Variants in CADM2 observed in about 807,000 individuals in gnomAD.
CADM2 encodes the protein cell adhesion molecule 2.
In CADM2, 12 loss-of-function variants were observed where a neutral mutation model predicts 49.8. The observed-to-expected ratio is 0.24, with a 90% CI of 0.15 to 0.39. The LOEUF (loss-of-function observed/expected upper bound fraction) is 0.39, where lower values mean the gene tolerates loss of function less well. Among genes scored for constraint, CADM2 ranks in the 10% least tolerant of loss-of-function variants. CADM2 has a pLI of 1.00. For missense variants in CADM2, 378 were observed against 492.3 expected (o/e 0.77, Z 2.20); for synonymous variants, 214 against 175.4 (o/e 1.22, Z -1.74).
At chr3:85,070,571 G>T (rs2036693979) in intron 1 of CADM2, among the ~76,000 whole-genome samples, 1 of 112,066 alleles carries the variant, frequency 8.9e-6, no homozygotes, top group Non-Finnish European at 2.1e-5. Flanking sequence ...ATGGTCTTTT[G>T]TCACTATATC....
intron 2 of CADM2, among the ~76,000 whole-genome samples, chr3:85,779,449 A>G (rs192481738): frequency 1.3e-5 from 2 of 152,160 alleles, no homozygotes; most frequent in Admixed American, 1.3e-4. Context: ...ACAGTTCAGC[A>G]TGGTCGGGAG....
intron 1 of CADM2, among the ~76,000 whole-genome samples, chr3:85,450,894 T>TA (rs1315650822): frequency 6.6e-6 from 1 of 151,002 alleles, no homozygotes; most frequent in Non-Finnish European, 1.5e-5. Flanking sequence ...CCTAGGCTAC[T>TA]AAGTCAAATT....
intron 8 of CADM2, among the ~76,000 whole-genome samples, chr3:85,982,991 A>C (rs1308983896): frequency 6.6e-6 from 1 of 151,676 alleles, no homozygotes; most frequent in East Asian, 1.9e-4. Context: ...AAACTATAGC[A>C]TTTATCTCCA....
At chr3:85,648,935 A>C (rs903119062) in intron 1 of CADM2, among the ~76,000 whole-genome samples, 1 of 152,048 alleles carries the variant, frequency 6.6e-6, no homozygotes, top group Non-Finnish European at 1.5e-5. Flanking sequence ...CAGTGGATTT[A>C]ATGCCATGTA....
chr3:85,818,859 T>A (rs1409568433), intron 3 of CADM2, among the ~76,000 whole-genome samples: 1 of 144,024 alleles, frequency 6.9e-6, no homozygotes, highest in African/African-American at 3.0e-5. Context: ...AGAATGTATA[T>A]TAATCAAGGT....
intron 1 of CADM2, among the ~76,000 whole-genome samples, chr3:85,032,843 C>T (rs908644649): frequency 2.5e-4 from 38 of 152,048 alleles, no homozygotes; most frequent in South Asian, 2.1e-4. Flanking sequence ...CATCAGTGGC[C>T]TTCCTTCCTG....
At chr3:85,210,470 C>T (rs1033406195) in intron 1 of CADM2, among the ~76,000 whole-genome samples, 14 of 152,060 alleles carry the variant, frequency 9.2e-5, no homozygotes, top group South Asian at 4.2e-4. Flanking sequence ...GTATCTGTTC[C>T]GGTATCTGGT....
intron 2 of CADM2, among the ~76,000 whole-genome samples, chr3:85,738,264 A>G (rs116138052): frequency 1.2e-3 from 185 of 152,332 alleles, no homozygotes; most frequent in African/African-American, 4.3e-3. Context: ...AGCTTCCCCT[A>G]GAAATAAAGA....
intron 1 of CADM2, among the ~76,000 whole-genome samples, chr3:85,597,205 A>T (rs966674269): frequency 5.6e-5 from 8 of 143,526 alleles, no homozygotes; most frequent in Admixed American, 1.4e-4. Context: ...AGATTAAAAA[A>T]ATGCTGTATA....
intron 1 of CADM2, among the ~76,000 whole-genome samples, chr3:84,998,660 A>G (rs938734427): frequency 6.6e-6 from 1 of 152,096 alleles, no homozygotes; most frequent in South Asian, 2.1e-4. Context: ...TTGTTCTGGA[A>G]CTCTGGATTT....
intron 1 of CADM2, among the ~76,000 whole-genome samples, chr3:85,638,315 AT>A (rs2064583427): frequency 6.6e-6 from 1 of 152,136 alleles, no homozygotes; most frequent in African/African-American, 2.4e-5. Flanking sequence ...AATTCTGGAC[AT>A]TTTCCAAAAT....
At chr3:85,797,622 G>A (rs1434881999) in intron 2 of CADM2, among the ~76,000 whole-genome samples, 2 of 152,258 alleles carry the variant, frequency 1.3e-5, no homozygotes, top group South Asian at 2.1e-4. Flanking sequence ...GTATTCCATG[G>A]TGTATATGTG....
intron 1 of CADM2, among the ~76,000 whole-genome samples, chr3:85,194,743 C>G (rs1330069925): frequency 6.6e-6 from 1 of 151,980 alleles, no homozygotes; most frequent in African/African-American, 2.4e-5. Flanking sequence ...CCAGGAATTA[C>G]AGTTTTCTCA....
intron 1 of CADM2, among the ~76,000 whole-genome samples, chr3:85,616,550 C>G (rs1483803742): frequency 6.6e-6 from 1 of 152,004 alleles, no homozygotes; most frequent in Non-Finnish European, 1.5e-5. Flanking sequence ...ATATTATTCT[C>G]CCTGCTCTAT....
At position 85,841,243 on chromosome 3, in the gene CADM2, AC is replaced by A. The variant is rs1196392188; in HGVS notation, c.238+39048del. 2.0e-5 allele frequency among the ~76,000 whole-genome samples: 3 copies of A among 151,978 alleles called. No individual in the cohort carries two copies. The East Asian group carries it at 5.8e-4, about 29-fold the overall frequency. Reference sequence around the variant, plus strand: ...GTATCCTTTAGGTGAATATTTAAAAACACTTTCAGTGCCAGGCTAGAATTAC... The same window carrying A: ...GTATCCTTTAGGTGAATATTTAAAAAACTTTCAGTGCCAGGCTAGAATTAC... On this transcript the variant is annotated intron_variant, in intron 3 of 9. Transcript: ENST00000383699.
intron 2 of CADM2, among the ~76,000 whole-genome samples, chr3:85,737,939 T>A (rs1329688183): frequency 6.6e-6 from 1 of 152,180 alleles, no homozygotes; most frequent in African/African-American, 2.4e-5. Flanking sequence ...TCAAAACGTT[T>A]CCGTGTAATC....
rs950154946 is a variant in CADM2, at chr3:85,014,022, C to T, written c.61+54354C>T. Among the ~76,000 whole-genome samples, 155 of 136,136 alleles carry T rather than the reference C, an allele frequency of 1.1e-3. 1 individual carries two copies. The highest frequency in any genetic ancestry group is 3.9e-3 in the African/African-American group (143 of 36,662). The allele number at this position is 136,136 out of a possible 152,430, so 89.3% of individuals were successfully genotyped here. A position where few individuals can be genotyped will look rare whatever the true frequency, so the allele number is the denominator to read the frequency against. ...GTAATAATATTGTATATTATATATA[C>T]GCAGTGTAATAATATTGTATATTAT... On this transcript the variant is annotated intron_variant, in intron 1 of 9. Transcript: ENST00000383699.
At chr3:85,819,695 A>G (rs61439785) in intron 3 of CADM2, among the ~76,000 whole-genome samples, 53,657 of 151,936 alleles carry the variant, frequency 0.35, 9,972 homozygotes, top group East Asian at 0.57. Context: ...AATTCACTAT[A>G]TCATTACAGT....
intron 7 of CADM2, among the ~76,000 whole-genome samples, chr3:85,944,000 C>G (rs933455181): frequency 1.3e-5 from 2 of 151,938 alleles, no homozygotes; most frequent in Admixed American, 6.6e-5. Flanking sequence ...CAGTCAAGAC[C>G]TATCAGTGTG....
Sources: gnomAD v4.1 joint callset for allele counts (sites outside exome capture counted in the v4.1 genomes callset) on GRCh38, gnomAD v4.1.1 for gene constraint, MANE v1.5 for transcripts, NCBI Gene and HGNC (gene_info 2026-07-23, HGNC 2026-07-21) for gene names.